HIBCH: variants seen among roughly 807,000 people sequenced by gnomAD.
The protein encoded by HIBCH is 3-hydroxyisobutyryl-CoA hydrolase.
HIBCH carries 50 observed loss-of-function variants against 58.2 expected under a neutral mutation model. The observed-to-expected ratio is 0.86, with a 90% CI of 0.68 to 1.09. HIBCH has a LOEUF of 1.09. Ranked by LOEUF, HIBCH falls within the 50% of genes least tolerant of loss-of-function variation. HIBCH has a pLI of 0.00. For synonymous variants in HIBCH, 151 were observed against 146.9 expected, an observed-to-expected ratio of 1.03 and a Z score of -0.20; for missense variants, 450 against 449.7, an observed-to-expected ratio of 1.00 and a Z score of -0.01.
chr2:190,274,120 G>C (rs1687483706), intron 6 of HIBCH, among the ~76,000 whole-genome samples: 1 of 152,128 alleles, frequency 6.6e-6, no homozygotes. Flanking sequence ...TCCATACTAA[G>C]TAAAATAAAT....
intron 6 of HIBCH, among the ~76,000 whole-genome samples, chr2:190,286,733 AG>A (rs1687836681): frequency 6.6e-6 from 1 of 152,228 alleles, no homozygotes; most frequent in Non-Finnish European, 1.5e-5. Flanking sequence ...AATAGCACAG[AG>A]GCAGAATATT....
chr2:190,253,570 C>T (rs73981020), intron 7 of HIBCH, among the ~76,000 whole-genome samples: 7 of 152,244 alleles, frequency 4.6e-5, no homozygotes, highest in African/African-American at 1.7e-4. Flanking sequence ...TCGCACCATC[C>T]CCTTAATCCC....
At chr2:190,233,381 T>C (rs544777260) in intron 11 of HIBCH, among the ~76,000 whole-genome samples, 21 of 152,270 alleles carry the variant, frequency 1.4e-4, no homozygotes, top group South Asian at 4.1e-4. Context: ...TGAAAGGTAA[T>C]TGAATCACAT....
chr2:190,213,191 T>C, intron 11 of HIBCH, 116 bp from the exon 12 acceptor site: 1 of 903,762 alleles, frequency 1.1e-6, no homozygotes, highest in Non-Finnish European at 1.8e-6. Flanking sequence ...CATAAAAGAT[T>C]ATACCCTAGC....
chr2:190,224,178 G>A (rs956166653), intron 11 of HIBCH, among the ~76,000 whole-genome samples: 7 of 152,206 alleles, frequency 4.6e-5, no homozygotes, highest in Non-Finnish European at 8.8e-5. Context: ...GTCTGAGATC[G>A]AACTACAAGG....
chr2:190,258,851 T>C (rs1687005008), intron 7 of HIBCH, among the ~76,000 whole-genome samples: 1 of 152,214 alleles, frequency 6.6e-6, no homozygotes. Flanking sequence ...TATCCAGTTT[T>C]TCTGACATCA....
intron 8 of HIBCH, chr2:190,251,494 A>G (rs1331902057): frequency 4.6e-6 from 2 of 430,468 alleles, no homozygotes; most frequent in Admixed American, 5.5e-5. Flanking sequence ...ACTACCTTGA[A>G]TTGGGTCTTC....
At chr2:190,231,958 G>A (rs1686110981) in intron 11 of HIBCH, among the ~76,000 whole-genome samples, 1 of 152,176 alleles carries the variant, frequency 6.6e-6, no homozygotes. Flanking sequence ...CACTTTGGGA[G>A]GCCAAGGTGT....
intron 11 of HIBCH, among the ~76,000 whole-genome samples, chr2:190,229,738 T>C (rs1448289020): frequency 6.6e-6 from 1 of 152,046 alleles, no homozygotes; most frequent in East Asian, 1.9e-4. Context: ...ATACACTACC[T>C]GAAAGCATTT....
intron 6 of HIBCH, among the ~76,000 whole-genome samples, chr2:190,285,447 C>T (rs1164626122): frequency 1.3e-5 from 2 of 152,116 alleles, no homozygotes; most frequent in African/African-American, 4.8e-5. Context: ...AAAGCACAAC[C>T]AACCCACGCT....
rs145107391 is a variant in HIBCH, at chr2:190,209,127, C to G, written c.1012-214G>C. On this transcript the variant is annotated intron_variant, in intron 12 of 13. Coordinates refer to ENST00000359678, the MANE Select transcript of HIBCH (RefSeq NM_014362.4). The surrounding 1 kb of genome is among the most constrained non-coding windows in gnomAD (Gnocchi z 5.6). ...ATCTCCACTGCTACAAATCATTGAT[C>G]TTACTGAGGTCCACAGATCCTATGA... 1.1e-4 allele frequency among the ~76,000 whole-genome samples: 16 copies of G among 152,248 alleles called. No individual in the cohort carries two copies. In the East Asian group the frequency reaches 2.5e-3, roughly 24 times the overall value.
chr2:190,264,357 C>T (rs1019887335), intron 6 of HIBCH, among the ~76,000 whole-genome samples: 12 of 151,720 alleles, frequency 7.9e-5, no homozygotes, highest in African/African-American at 2.4e-4. Flanking sequence ...AGTACGTTCG[C>T]AAGCATATAG....
At chr2:190,220,604 G>A (rs1003443791) in intron 11 of HIBCH, among the ~76,000 whole-genome samples, 3 of 151,742 alleles carry the variant, frequency 2.0e-5, no homozygotes, top group Non-Finnish European at 4.4e-5. Flanking sequence ...TAATGCCCCC[G>A]ATTACAGGGT....
At chr2:190,244,379 C>T (rs1686545555) in intron 11 of HIBCH, among the ~76,000 whole-genome samples, 1 of 152,028 alleles carries the variant, frequency 6.6e-6, no homozygotes. Flanking sequence ...CAAAGTGTAC[C>T]TAACACAGAA....
chr2:190,270,282 A>ATTT (rs1156661359), intron 6 of HIBCH, among the ~76,000 whole-genome samples: 41 of 109,768 alleles, frequency 3.7e-4, no homozygotes, highest in East Asian at 2.5e-3. Flanking sequence ...TTTTTTTTTA[A>ATTT]AAAAAAAGAT....
At chr2:190,269,066 T>G (rs1239145434) in intron 6 of HIBCH, among the ~76,000 whole-genome samples, 1 of 152,146 alleles carries the variant, frequency 6.6e-6, no homozygotes, top group Non-Finnish European at 1.5e-5. Context: ...TCCTTACACC[T>G]TATACAAAAA....
chr2:190,222,582 C>T (rs569098455), intron 11 of HIBCH, among the ~76,000 whole-genome samples: 40 of 152,256 alleles, frequency 2.6e-4, no homozygotes, highest in African/African-American at 9.1e-4. Flanking sequence ...TACCATTTCA[C>T]GCCAGTCAGA....
rs1686279492 is a variant in HIBCH, at chr2:190,236,503, G to A, written c.891+8384C>T. 1.3e-5 allele frequency among the ~76,000 whole-genome samples: 2 copies of A among 152,058 alleles called. No homozygotes were observed. The highest frequency in any genetic ancestry group is 6.6e-5 in the Admixed American group (1 of 15,260). On this transcript the variant is annotated intron_variant, in intron 11 of 13. Coordinates refer to ENST00000359678, the MANE Select transcript of HIBCH (RefSeq NM_014362.4). The surrounding 1 kb of genome is among the most constrained non-coding windows in gnomAD (Gnocchi z 4.1). ...AATCATTTCCAGAAGTGTTCCGACT[G>A]ACAATAAACCAATACAAATACAAAA... is the stretch of plus-strand genomic sequence containing the variant.
chr2:190,255,551 A>T (rs1421176796), intron 7 of HIBCH, among the ~76,000 whole-genome samples: 1 of 152,228 alleles, frequency 6.6e-6, no homozygotes, highest in Non-Finnish European at 1.5e-5. Context: ...CAATATATGG[A>T]TCAATAGTGT....
Sources: gnomAD v4.1 joint callset for allele counts (sites outside exome capture counted in the v4.1 genomes callset) on GRCh38, gnomAD v4.1.1 for gene constraint, Gnocchi (gnomAD v3.1) non-coding constraint, MANE v1.5 for transcripts, NCBI Gene and HGNC (gene_info 2026-07-23, HGNC 2026-07-21) for gene names.